Variants in SHTN1 observed in about 807,000 individuals in gnomAD.
SHTN1 encodes shootin 1, also known as shootin-1.
SHTN1 carries 42 observed loss-of-function variants against 83.1 expected under a neutral mutation model. The ratio of observed to expected loss-of-function variants is 0.51; its 90% CI spans 0.39 to 0.65. The LOEUF is 0.65. SHTN1 is among the 30% of genes least tolerant of loss of function. SHTN1 has a pLI of 0.00. For synonymous variants in SHTN1, 224 were observed against 247.7 expected, an observed-to-expected ratio of 0.90 and a Z score of 0.90; for missense variants, 622 against 737.8, an observed-to-expected ratio of 0.84 and a Z score of 1.82.
At chr10:116,933,074 A>G (rs1849027920) in intron 9 of SHTN1, among the ~76,000 whole-genome samples, 1 of 152,110 alleles carries the variant, frequency 6.6e-6, no homozygotes, top group African/African-American at 2.4e-5. Flanking sequence ...CTCCCACCCT[A>G]TTCTCCAGTT....
At chr10:117,071,950 C>T (rs1387592326) in intron 1 of SHTN1, among the ~76,000 whole-genome samples, 2 of 152,178 alleles carry the variant, frequency 1.3e-5, no homozygotes, top group Non-Finnish European at 2.9e-5. Context: ...AATTTGTTAG[C>T]TCAAATAAGA....
intron 1 of SHTN1, among the ~76,000 whole-genome samples, chr10:117,103,737 T>C (rs925870382): frequency 1.9e-4 from 29 of 151,156 alleles, no homozygotes; most frequent in Admixed American, 1.4e-3. Flanking sequence ...GGGGTTTCAC[T>C]GTGTTAGCCA....
intron 2 of SHTN1, chr10:116,973,984 C>A: frequency 8.4e-7 from 1 of 1,195,036 alleles, no homozygotes; most frequent in South Asian, 1.5e-5. Context: ...CACTCTTATC[C>A]CTAAAGAATA....
intron 1 of SHTN1, among the ~76,000 whole-genome samples, chr10:117,095,943 T>C (rs1452197361): frequency 5.9e-5 from 9 of 152,216 alleles, no homozygotes; most frequent in Non-Finnish European, 1.3e-4. Flanking sequence ...ACCTCTATTT[T>C]GCCCTTGAGC....
At chr10:116,941,316 G>T (rs902784653) in intron 8 of SHTN1, among the ~76,000 whole-genome samples, 1 of 152,210 alleles carries the variant, frequency 6.6e-6, no homozygotes, top group Non-Finnish European at 1.5e-5. Context: ...GTAGTTAACA[G>T]TAGAAGGGTA....
upstream of SHTN1, among the ~76,000 whole-genome samples, chr10:117,007,355 A>C (rs1852035844): frequency 6.6e-6 from 1 of 151,814 alleles, no homozygotes; most frequent in East Asian, 1.9e-4. Flanking sequence ...TGTCTACTCC[A>C]ATTATACAGT....
Position 117,067,611 on chromosome 10 carries a change from TA to T in SHTN1, c.-188-19102del, listed in dbSNP as rs897216106. ...CTCCATCTAAAAAAAAATTTTTAAA[TA>T]AAAAAAAATTTTAAAATCAATCAAT... On this transcript the variant is annotated intron_variant, in intron 1 of 17. Transcript: ENST00000392901. 3.3e-5 allele frequency among the ~76,000 whole-genome samples: 5 copies of T among 151,430 alleles called. No homozygotes were observed. In the East Asian group the frequency reaches 5.8e-4, roughly 18 times the overall value.
intron 16 of SHTN1, among the ~76,000 whole-genome samples, chr10:116,890,075 T>C (rs1847288490): frequency 1.3e-5 from 2 of 152,126 alleles, no homozygotes; most frequent in South Asian, 4.2e-4. Context: ...TTCTAGAGGG[T>C]TAAATATGAA....
chr10:117,001,019 C>T (rs1473288395), intron 1 of SHTN1, among the ~76,000 whole-genome samples: 3 of 152,102 alleles, frequency 2.0e-5, no homozygotes, highest in African/African-American at 7.2e-5. Context: ...CTATCATTTT[C>T]CCACTGAATT....
chr10:117,073,617 C>A (rs1372503810), intron 1 of SHTN1, among the ~76,000 whole-genome samples: 1 of 152,178 alleles, frequency 6.6e-6, no homozygotes, highest in African/African-American at 2.4e-5. Flanking sequence ...CCAGAACATA[C>A]CAACATCAAA....
intron 1 of SHTN1, among the ~76,000 whole-genome samples, chr10:117,084,694 G>A (rs1853320505): frequency 2.0e-5 from 3 of 152,072 alleles, no homozygotes; most frequent in African/African-American, 7.2e-5. Flanking sequence ...GCGAGACTCC[G>A]TGAGGTAGGA....
intron 14 of SHTN1, among the ~76,000 whole-genome samples, chr10:116,908,450 G>T (rs1848059792): frequency 6.6e-6 from 1 of 152,044 alleles, no homozygotes; most frequent in South Asian, 2.1e-4. Flanking sequence ...ACAGAAAATA[G>T]AACCATAGCC....
At chr10:117,039,851 A>C (rs1589907320) in intron 2 of SHTN1, among the ~76,000 whole-genome samples, 1 of 21,490 alleles carries the variant, frequency 4.7e-5, no homozygotes, top group Non-Finnish European at 4.5e-4. Context: ...AGACTCCATC[A>C]AAAAAAAAAA....
chr10:117,091,885 A>G (rs1853435332), intron 1 of SHTN1, among the ~76,000 whole-genome samples: 1 of 152,088 alleles, frequency 6.6e-6, no homozygotes, highest in South Asian at 2.1e-4. Context: ...CATGGAAATG[A>G]TCTCTTTTCC....
intron 3 of SHTN1, among the ~76,000 whole-genome samples, chr10:116,963,071 T>G (rs1362498276): frequency 2.8e-5 from 2 of 71,114 alleles, no homozygotes; most frequent in African/African-American, 7.5e-5. Flanking sequence ...TTTTTTTTTT[T>G]TTTTTTTTTT....
At chr10:117,052,444 A>C (rs1263841134) in intron 1 of SHTN1, among the ~76,000 whole-genome samples, 1 of 152,106 alleles carries the variant, frequency 6.6e-6, no homozygotes, top group Non-Finnish European at 1.5e-5. Flanking sequence ...ATACATATGA[A>C]ATGGCACAGG....
chr10:116,968,485 C>A (rs988162479), intron 3 of SHTN1, among the ~76,000 whole-genome samples, 167 bp downstream of exon 3: 1 of 152,180 alleles, frequency 6.6e-6, no homozygotes, highest in Non-Finnish European at 1.5e-5. Context: ...TATTCCAGTT[C>A]TTTAAAGCTT....
chr10:117,006,693 C>T (rs1852018903), upstream of SHTN1, among the ~76,000 whole-genome samples: 5 of 151,876 alleles, frequency 3.3e-5, no homozygotes, highest in South Asian at 1.0e-3. Context: ...CTGAATTAGA[C>T]TTATTGCACA....
Position 116,884,692 on chromosome 10 carries a change from A to C in SHTN1, c.*1652T>G, listed in dbSNP as rs17095395. On this transcript the variant is annotated 3_prime_UTR_variant, in exon 17 of 17. Transcript: ENST00000355371. Reference sequence around the variant, plus strand: ...AACTCAATAAACCATCTTAGGGACTATTAAAAATTACTAAAGTTGTCAAAT... The same window carrying C: ...AACTCAATAAACCATCTTAGGGACTCTTAAAAATTACTAAAGTTGTCAAAT... 1 of 156,152 alleles carries C rather than the reference A, an allele frequency of 6.4e-6. No homozygotes were observed. Among genetic ancestry groups the C allele is most frequent in the Non-Finnish European group, 1.4e-5 (1 of 70,148 alleles). The allele number at this position is 156,152 out of a possible 1,614,324, so 9.7% of individuals were successfully genotyped here. A position where few individuals can be genotyped will look rare whatever the true frequency, so the allele number is the denominator to read the frequency against.
Sources: gnomAD v4.1 joint callset for allele counts (sites outside exome capture counted in the v4.1 genomes callset) on GRCh38, gnomAD v4.1.1 for gene constraint, MANE v1.5 for transcripts, NCBI Gene and HGNC (gene_info 2026-07-23, HGNC 2026-07-21) for gene names.